The following FNBP1 variants were observed in gnomAD, a reference collection of about 807,000 sequenced individuals.
FNBP1 encodes formin binding protein 1.
FNBP1 carries 26 observed loss-of-function variants against 90.6 expected under a neutral mutation model. The observed-to-expected ratio is 0.29, with a 90% CI of 0.21 to 0.40. FNBP1 has a LOEUF of 0.40. Among genes scored for constraint, FNBP1 ranks in the 10% least tolerant of loss-of-function variants. The pLI is 1.00. For synonymous variants in FNBP1, 260 were observed against 265.2 expected (o/e 0.98, Z 0.19); for missense variants, 635 against 768.0 (o/e 0.83, Z 2.05).
intron 4 of FNBP1, among the ~76,000 whole-genome samples, chr9:129,971,442 G>A (rs1018903020): frequency 1.3e-5 from 2 of 152,000 alleles, no homozygotes; most frequent in African/African-American, 4.8e-5. Flanking sequence ...TCAGGCTGGA[G>A]TGCAGTGGTG....
chr9:130,036,906 G>A (rs1429938465), intron 1 of FNBP1, among the ~76,000 whole-genome samples: 1 of 152,014 alleles, frequency 6.6e-6, no homozygotes, highest in African/African-American at 2.4e-5. Flanking sequence ...TTAGCCGGGC[G>A]CGGTGGCAGG....
At chr9:130,011,265 TATAAA>T (rs1209575266) in intron 1 of FNBP1, among the ~76,000 whole-genome samples, 14 of 79,878 alleles carry the variant, frequency 1.8e-4, no homozygotes, top group African/African-American at 6.5e-4. Context: ...TATATATATA[TATAAA>T]ATATATATAA....
At chr9:129,911,083 A>C (rs777875128) in intron 11 of FNBP1, among the ~76,000 whole-genome samples, 1 of 152,142 alleles carries the variant, frequency 6.6e-6, no homozygotes, top group Non-Finnish European at 1.5e-5. Context: ...GCTGGTCTCG[A>C]ACTCCCGACC....
the FNBP1 span, among the ~76,000 whole-genome samples, chr9:130,049,540 C>T: frequency 1.3e-5 from 2 of 151,802 alleles, no homozygotes; most frequent in African/African-American, 2.4e-5. Context: ...ATGGCGAAAC[C>T]GTCTCCACAA....
At position 130,011,269 on chromosome 9, in the gene FNBP1, A is replaced by ATATATATAT. The variant is rs1322193913; in HGVS notation, c.25-16312_25-16311insATATATATA. The stretch of plus-strand genomic sequence containing the variant: ...ATATATATATATATATATATATATA[A>ATATATATAT]AATATATATAACATTATTACTTATA... On this transcript the variant is annotated intron_variant, in intron 1 of 16. Transcript: ENST00000446176. Among the ~76,000 whole-genome samples the ATATATATAT allele has an allele frequency of 7.8e-3, 272 of 34,794 alleles. 2 individuals are homozygous for ATATATATAT. Among genetic ancestry groups the ATATATATAT allele is most frequent in the Middle Eastern group, 0.042 (2 of 48 alleles). 22.8% of individuals were successfully genotyped at this position (34,794 alleles called of 152,430 possible).
intron 1 of FNBP1, among the ~76,000 whole-genome samples, chr9:129,997,311 G>A (rs1265791702): frequency 6.6e-6 from 1 of 152,104 alleles, no homozygotes; most frequent in South Asian, 2.1e-4. Context: ...ATGGGTGACA[G>A]AATGAGACTA....
intron 10 of FNBP1, among the ~76,000 whole-genome samples, chr9:129,919,557 G>A (rs1350527704): frequency 2.0e-5 from 3 of 151,962 alleles, no homozygotes; most frequent in African/African-American, 4.8e-5. Context: ...ATGTTCTGGC[G>A]GCATCTCTAA....
intron 2 of FNBP1, among the ~76,000 whole-genome samples, chr9:129,979,644 C>A (rs1173928633): frequency 6.6e-6 from 1 of 152,066 alleles, no homozygotes; most frequent in Non-Finnish European, 1.5e-5. Flanking sequence ...TATGCAGTGG[C>A]TTTCTTTTTT....
At chr9:130,021,561 T>C (rs192775824) in intron 1 of FNBP1, among the ~76,000 whole-genome samples, 32 of 152,250 alleles carry the variant, frequency 2.1e-4, no homozygotes, top group Middle Eastern at 3.4e-3. Context: ...AAATAACAAT[T>C]TCCAATTAAT....
intron 1 of FNBP1, among the ~76,000 whole-genome samples, chr9:130,015,744 G>A (rs548606724): frequency 1.1e-4 from 16 of 152,116 alleles, no homozygotes; most frequent in East Asian, 5.8e-4. Flanking sequence ...GCACAATTTC[G>A]GCTCGCTGTA....
intron 12 of FNBP1, among the ~76,000 whole-genome samples, chr9:129,907,663 T>G (rs2038392631): frequency 6.6e-6 from 1 of 151,702 alleles, no homozygotes; most frequent in Non-Finnish European, 1.5e-5. Flanking sequence ...TTTTAATGAA[T>G]GCACCTTCCC....
intron 4 of FNBP1, among the ~76,000 whole-genome samples, chr9:129,971,441 A>C (rs2133253852): frequency 6.6e-6 from 1 of 152,082 alleles, no homozygotes; most frequent in East Asian, 1.9e-4. Context: ...CTCAGGCTGG[A>C]GTGCAGTGGT....
upstream of FNBP1, among the ~76,000 whole-genome samples, chr9:130,044,243 G>C (rs1056286561): frequency 6.6e-6 from 1 of 152,110 alleles, no homozygotes; most frequent in Non-Finnish European, 1.5e-5. Context: ...CCCAACATGG[G>C]CCCCCAGTTA....
At chr9:129,938,634 T>C (rs978558897) in intron 6 of FNBP1, among the ~76,000 whole-genome samples, 24 of 151,616 alleles carry the variant, frequency 1.6e-4, no homozygotes, top group Non-Finnish European at 1.2e-4. Flanking sequence ...TGCAGAAAGA[T>C]AGCCAGTGAG....
intron 6 of FNBP1, among the ~76,000 whole-genome samples, chr9:129,939,417 A>G (rs1450134083): frequency 6.6e-6 from 1 of 152,040 alleles, no homozygotes; most frequent in Non-Finnish European, 1.5e-5. Context: ...TGCATATGTT[A>G]TCACATGTTA....
At chr9:129,921,269 CT>C (rs753816382) in intron 10 of FNBP1, among the ~76,000 whole-genome samples, 284 of 143,136 alleles carry the variant, frequency 2.0e-3, no homozygotes, top group Middle Eastern at 3.6e-3. Context: ...ACATTCTTTA[CT>C]TTTTTTTTTT....
intron 6 of FNBP1, among the ~76,000 whole-genome samples, chr9:129,942,440 G>C (rs1234700188): frequency 6.6e-6 from 1 of 152,158 alleles, no homozygotes. Context: ...CTGATACTGA[G>C]GCCCTGTGCT....
At chr9:130,014,315 A>T (rs571374277) in intron 1 of FNBP1, among the ~76,000 whole-genome samples, 1 of 149,078 alleles carries the variant, frequency 6.7e-6, no homozygotes, top group Admixed American at 6.8e-5. Flanking sequence ...GCAATGGCGC[A>T]ATCTCGGTTC....
In FNBP1 at chr9:129,932,527, A is replaced by G. The variant is rs186777522; in HGVS notation, c.514-2832T>C. On this transcript the variant is annotated intron_variant, in intron 6 of 16. Coordinates refer to ENST00000446176, the MANE Select transcript of FNBP1 (RefSeq NM_015033.3). ...GCTTCCCTTATTTTCTTCCCTATTCACACGTGAACACTTCCCAAATGAAGG... is the reference window on the plus strand; with the variant it reads ...GCTTCCCTTATTTTCTTCCCTATTCGCACGTGAACACTTCCCAAATGAAGG... 2.2e-4 allele frequency among the ~76,000 whole-genome samples: 33 copies of G among 152,254 alleles called. No homozygotes were observed. The East Asian group carries it at 6.2e-3, about 29-fold the overall frequency.
Sources: gnomAD v4.1 joint callset for allele counts (sites outside exome capture counted in the v4.1 genomes callset) on GRCh38, gnomAD v4.1.1 for gene constraint, MANE v1.5 for transcripts, NCBI Gene and HGNC (gene_info 2026-07-23, HGNC 2026-07-21) for gene names.